The following ATP5ME variants were observed in gnomAD, a reference collection of about 807,000 sequenced individuals.
ATP5ME encodes ATP synthase F(0) complex subunit e, mitochondrial.
A neutral mutation model predicts 11.6 loss-of-function variants in ATP5ME; 10 were observed. The ratio of observed to expected loss-of-function variants is 0.86; its 90% CI spans 0.53 to 1.46. ATP5ME has a LOEUF of 1.46. ATP5ME is among the 40% of genes most tolerant of loss of function. ATP5ME has a pLI of 0.00. For synonymous variants in ATP5ME, 45 were observed against 33.5 expected (o/e 1.34, Z -1.19); for missense variants, 115 against 85.4 (o/e 1.35, Z -1.37).
At chr4:674,067 G>T (rs1319098723) in intron 1 of ATP5ME, 101 bp from the exon 2 acceptor site, 1 of 1,469,200 alleles carries the variant, frequency 6.8e-7, no homozygotes, top group Non-Finnish European at 9.1e-7. Context: ...TCGCAGGAGG[G>T]GTGGGGGTCC....
rs1213599244 is a variant in ATP5ME, at chr4:673,971, GAA to G, written c.37-7_37-6del. 1.3e-6 allele frequency: 2 copies of G among 1,544,696 alleles called. No individual in the cohort carries two copies. The highest frequency in any genetic ancestry group is 1.7e-4 in the Middle Eastern group (1 of 5,918). ...CAGGGCGGAGTAGCGGCCGAGCTGC[GAA>G]AGAGGTTGGTCAGAGGCGGCGCGAA... is the stretch of plus-strand genomic sequence containing the variant. On this transcript the variant is annotated splice_region_variant and splice_polypyrimidine_tract_variant and intron_variant, in intron 1 of 3. Transcript: ENST00000304312.
Position 673,297 on chromosome 4 carries a change from T to C in ATP5ME, c.190+6A>G. On this transcript the variant is annotated splice_donor_region_variant and intron_variant, in intron 3 of 3. Transcript: ENST00000304312. ...GACAATCTATAAGAGCCAGTGTCAC[T>C]CGTACCTTCTGCCAATTCTCTGGCA... is the stretch of plus-strand genomic sequence containing the variant. The C allele has an allele frequency of 6.2e-7, 1 of 1,614,218 alleles. No homozygotes were observed. The highest frequency in any genetic ancestry group is 8.5e-7 in the Non-Finnish European group (1 of 1,180,014).
chr4:672,666 A>C, intron 3 of ATP5ME, 147 bp from the exon 4 acceptor site: 3 of 861,940 alleles, frequency 3.5e-6, no homozygotes, highest in Non-Finnish European at 5.3e-6. Context: ...ATCTCAGCTC[A>C]CTGCAACCTC....
chr4:673,905 C>G lies in ATP5ME; in HGVS notation c.91+7G>C. The G allele has an allele frequency of 6.5e-7, 1 of 1,546,064 alleles. No homozygotes were observed. Among genetic ancestry groups the G allele is most frequent in the Admixed American group, 2.0e-5 (1 of 51,002 alleles). On this transcript the variant is annotated splice_region_variant and intron_variant, in intron 2 of 3. Coordinates refer to ENST00000304312, the MANE Select transcript of ATP5ME (RefSeq NM_007100.4). ...ACCCCGCCCCGGCCCCGCCCGCGGT[C>G]ACTCACTGTAGCGCGTGGCTCCGTA...
Position 673,956 on chromosome 4 carries a change from T to A in ATP5ME, c.47A>T (p.Tyr16Phe), listed in dbSNP as rs1057495902. 3 of 1,543,840 alleles carry A rather than the reference T, an allele frequency of 1.9e-6. No individual in the cohort carries two copies. The African/African-American group carries it at 4.1e-5, about 21-fold the overall frequency. ...QVSPLIKLGR[Y>F]SALFLGVAYG... ...GGCCACACCGAGGAACAGGGCGGAG[T>A]AGCGGCCGAGCTGCGAAAGAGGTTG... The change falls in exon 2 of 4, where the codon TAC (tyrosine) becomes TTC (phenylalanine). Residue 16 changes from tyrosine to phenylalanine, a missense_variant. Physicochemically the swap from Tyr to Phe is conservative, Grantham distance 22 (BLOSUM62 3). Coordinates refer to ENST00000304312, the MANE Select transcript of ATP5ME (RefSeq NM_007100.4).
At chr4:674,040 G>A in intron 1 of ATP5ME, 74 bp from the exon 2 acceptor site, 2 of 1,517,926 alleles carry the variant, frequency 1.3e-6, no homozygotes, top group Non-Finnish European at 8.8e-7. Flanking sequence ...AGGGGGGGCG[G>A]GGTCGCTGGG....
chr4:673,819 G>A (rs1738644895), intron 2 of ATP5ME, 93 bp downstream of exon 2: 3 of 1,477,248 alleles, frequency 2.0e-6, no homozygotes, highest in Non-Finnish European at 1.8e-6. Flanking sequence ...TGCGTCCCAA[G>A]CCCCCTTCCA....
At chr4:673,131 G>A (rs937493766) in intron 3 of ATP5ME, among the ~76,000 whole-genome samples, 172 bp downstream of exon 3, 8 of 152,204 alleles carry the variant, frequency 5.3e-5, no homozygotes, top group Admixed American at 2.6e-4. Flanking sequence ...TGATCTGCCC[G>A]CCTTGGCCTC....
chr4:673,948 G>C lies in ATP5ME; in HGVS notation c.55C>G (p.Leu19Val). Residue 19 changes from leucine to valine, a missense_variant, in exon 2 of 4, where the codon CTG becomes GTG. Leu to Val is a conservative substitution (Grantham distance 32). Transcript: ENST00000304312. ...GCTCCGTAGGCCACACCGAGGAACAGGGCGGAGTAGCGGCCGAGCTGCGAA... is the reference window on the plus strand; with the variant it reads ...GCTCCGTAGGCCACACCGAGGAACACGGCGGAGTAGCGGCCGAGCTGCGAA... ...PLIKLGRYSA[L>V]FLGVAYGATR... 6.5e-7 allele frequency: 1 copy of C among 1,545,910 alleles called. No homozygotes were observed. Among genetic ancestry groups the C allele is most frequent in the Non-Finnish European group, 8.7e-7 (1 of 1,146,822 alleles).
chr4:674,007 C>T, intron 1 of ATP5ME, 41 bp from the exon 2 acceptor site: 7 of 1,496,442 alleles, frequency 4.7e-6, no homozygotes, highest in South Asian at 1.2e-5. Context: ...AAACGGGGCT[C>T]GCGGGACGGG....
chr4:674,017 G>C (rs1738656380), intron 1 of ATP5ME, 51 bp from the exon 2 acceptor site: 1 of 1,534,418 alleles, frequency 6.5e-7, no homozygotes, highest in Non-Finnish European at 8.7e-7. Flanking sequence ...CGCGGGACGG[G>C]GGTCGCGGGA....
Position 673,927 on chromosome 4 carries a change from C to G in ATP5ME, c.76G>C (p.Gly26Arg), listed in dbSNP as rs1428894731. Residue 26 changes from glycine (G) to arginine (R), a missense_variant, in exon 2 of 4, where the codon GGA (glycine) becomes CGA (arginine). Physicochemically the swap from Gly to Arg is moderately radical, Grantham distance 125. Coordinates refer to ENST00000304312, the MANE Select transcript of ATP5ME (RefSeq NM_007100.4). ...YSALFLGVAY[G>R]ATRYNYLKPR... is the part of the protein sequence containing the mutation. ...GGTCACTCACTGTAGCGCGTGGCTC[C>G]GTAGGCCACACCGAGGAACAGGGCG... 2 of 1,546,058 alleles carry G rather than the reference C, an allele frequency of 1.3e-6. No individual in the cohort carries two copies. Among genetic ancestry groups the G allele is most frequent in the African/African-American group, 1.4e-5 (1 of 72,940 alleles).
At chr4:672,748 T>C (rs1738585491) in intron 3 of ATP5ME, among the ~76,000 whole-genome samples, 1 of 152,152 alleles carries the variant, frequency 6.6e-6, no homozygotes, top group African/African-American at 2.4e-5. Flanking sequence ...CCCGCCATCA[T>C]GCCTGGCTAA....
At position 674,193 on chromosome 4, in the gene ATP5ME, G is replaced by A; in HGVS notation, c.36+19C>T. The A allele has an allele frequency of 6.2e-7, 1 of 1,610,394 alleles. No homozygotes were observed. ...GGGGGGCCCAGAGCACTGGGCGGCGGCTGCAAAGCCTGGATCACCTTGATG... is the reference window on the plus strand; with the variant it reads ...GGGGGGCCCAGAGCACTGGGCGGCGACTGCAAAGCCTGGATCACCTTGATG... On this transcript the variant is annotated intron_variant, in intron 1 of 3. Coordinates refer to ENST00000304312, the MANE Select transcript of ATP5ME (RefSeq NM_007100.4).
In ATP5ME at chr4:674,236, C is replaced by G; in HGVS notation, c.12G>C (p.Pro4=). MVP[P]VQVSPLIKLG... is the part of the protein sequence containing the mutation. ...CCTTGATGAGCGGAGAGACCTGCACCGGTGGCACCATCTTGTCCCTGACCT... is the reference window on the plus strand; with the variant it reads ...CCTTGATGAGCGGAGAGACCTGCACGGGTGGCACCATCTTGTCCCTGACCT... The change falls in exon 1 of 4, where the codon CCG becomes CCC. Residue 4 remains proline (P), a synonymous_variant. Transcript: ENST00000304312. The G allele has an allele frequency of 6.2e-7, 1 of 1,611,914 alleles. No individual in the cohort carries two copies. The highest frequency in any genetic ancestry group is 1.3e-5 in the African/African-American group (1 of 74,980).
chr4:672,836 C>T (rs1242833647), intron 3 of ATP5ME, among the ~76,000 whole-genome samples: 4 of 152,182 alleles, frequency 2.6e-5, no homozygotes, highest in Non-Finnish European at 5.9e-5. Flanking sequence ...CAACCTCCGC[C>T]TCCCGGGTTC....
At position 673,289 on chromosome 4, in the gene ATP5ME, A is replaced by C; in HGVS notation, c.190+14T>G. 1 of 1,614,178 alleles carries C rather than the reference A, an allele frequency of 6.2e-7. No homozygotes were observed. Among genetic ancestry groups the C allele is most frequent in the Non-Finnish European group, 8.5e-7 (1 of 1,179,992 alleles). ...CTGGGAGGGACAATCTATAAGAGCC[A>C]GTGTCACTCGTACCTTCTGCCAATT... is the stretch of plus-strand genomic sequence containing the variant. On this transcript the variant is annotated intron_variant, in intron 3 of 3. Coordinates refer to ENST00000304312, the MANE Select transcript of ATP5ME (RefSeq NM_007100.4).
chr4:672,541 A>G lies in ATP5ME; in HGVS notation c.191-22T>C, dbSNP rs1738561765. The G allele has an allele frequency of 3.7e-6, 6 of 1,613,806 alleles. No homozygotes were observed. The East Asian group carries it at 1.3e-4, about 36-fold the overall frequency. ...TCATCTTGGGCCGGAAGGTTAGAAG[A>G]AAAGCACATGTTACCACTCAGGCAA... On this transcript the variant is annotated intron_variant, in intron 3 of 3. Coordinates refer to ENST00000304312, the MANE Select transcript of ATP5ME (RefSeq NM_007100.4).
chr4:673,526 T>G, intron 2 of ATP5ME, 125 bp from the exon 3 acceptor site: 1 of 1,507,508 alleles, frequency 6.6e-7, no homozygotes. Flanking sequence ...CCGCTCTTTA[T>G]GTTAATGCGA....
Sources: allele counts gnomAD v4.1 joint callset (sites outside exome capture counted in the v4.1 genomes callset), GRCh38; gene constraint gnomAD v4.1.1; transcripts MANE v1.5; gene names NCBI Gene and HGNC (gene_info 2026-07-23, HGNC 2026-07-21).